AMOTL1: variants seen among roughly 807,000 people sequenced by gnomAD.
The protein encoded by AMOTL1 is angiomotin-like protein 1.
Under a neutral mutation model 102.9 loss-of-function variants are expected in AMOTL1, and 45 were observed. That is an observed-to-expected ratio of 0.44 (90% CI 0.34 to 0.56). The LOEUF (loss-of-function observed/expected upper bound fraction) is 0.56. AMOTL1 is among the 20% of genes least tolerant of loss of function. AMOTL1 has a pLI of 0.01. For missense variants in AMOTL1, 1,114 were observed against 1,225.6 expected (o/e 0.91, Z 1.36); for synonymous variants, 481 against 484.7 (o/e 0.99, Z 0.10).
intron 3 of AMOTL1, among the ~76,000 whole-genome samples, chr11:94,741,764 C>T (rs1274645625): frequency 1.3e-5 from 2 of 151,830 alleles, no homozygotes; most frequent in African/African-American, 2.4e-5. Flanking sequence ...TGCTACTGGT[C>T]TGGGCTATCA....
In AMOTL1 at chr11:94,733,071, A is replaced by T. The variant is rs186862516; in HGVS notation, c.85+4016A>T. On this transcript the variant is annotated intron_variant, in intron 2 of 4. Transcript: ENST00000299004. ...GAAATCTTGTGAAGTAGTTAGTCTT[A>T]TCTCCATTTTGCAGATGAGAAAACT... is the stretch of plus-strand genomic sequence containing the variant. Among the ~76,000 whole-genome samples, 15 of 152,374 alleles carry T rather than the reference A, an allele frequency of 9.8e-5. No individual in the cohort carries two copies. In the East Asian group the frequency reaches 2.7e-3, roughly 27 times the overall value.
chr11:94,724,732 G>A (rs904766011), intron 1 of AMOTL1, among the ~76,000 whole-genome samples: 13 of 152,124 alleles, frequency 8.5e-5, no homozygotes, highest in South Asian at 4.1e-4. Flanking sequence ...GTACCTAGGA[G>A]ACACCAAGTT....
chr11:94,706,752 G>A (rs374361778), intron 1 of AMOTL1, among the ~76,000 whole-genome samples: 1 of 152,204 alleles, frequency 6.6e-6, no homozygotes, highest in African/African-American at 2.4e-5. Context: ...GTCCCCACCT[G>A]GTGGGGTGGC....
intron 1 of AMOTL1, among the ~76,000 whole-genome samples, chr11:94,708,367 T>C (rs958637260): frequency 2.0e-5 from 3 of 152,158 alleles, no homozygotes; most frequent in Admixed American, 2.0e-4. Flanking sequence ...TAGAAAGCAG[T>C]GGGAAGGCAG....
chr11:94,768,350 G>A, upstream of AMOTL1: 2 of 1,368,934 alleles, frequency 1.5e-6, no homozygotes, highest in South Asian at 3.4e-5. Flanking sequence ...CGCGGACGGC[G>A]GCGGGAGCGC....
At chr11:94,769,209 A>G (rs1950906735) in intron 1 of AMOTL1, among the ~76,000 whole-genome samples, 1 of 152,176 alleles carries the variant, frequency 6.6e-6, no homozygotes, top group African/African-American at 2.4e-5. Flanking sequence ...CTGCCTTTAC[A>G]ATAATCTGCT....
chr11:94,873,381 A>G lies in AMOTL1; in HGVS notation c.*2586A>G, dbSNP rs1953038755. The stretch of plus-strand genomic sequence containing the variant: ...CCAAGCCAGGGCACTAAATTCTTTC[A>G]TCATTAGAGCTTTCCTGAAGTCCGG... On this transcript the variant is annotated 3_prime_UTR_variant, in exon 13 of 13. Transcript: ENST00000433060. 1 of 152,178 alleles carries G rather than the reference A, an allele frequency of 6.6e-6. No homozygotes were observed. Among genetic ancestry groups the G allele is most frequent in the Admixed American group, 6.5e-5 (1 of 15,276 alleles). The allele number at this position is 152,178 out of a possible 1,614,324, so 9.4% of individuals were successfully genotyped here. A position where few individuals can be genotyped will look rare whatever the true frequency, so the allele number is the denominator to read the frequency against.
At chr11:94,823,128 A>G (rs1951898824) in intron 4 of AMOTL1, among the ~76,000 whole-genome samples, 2 of 152,196 alleles carry the variant, frequency 1.3e-5, no homozygotes, top group Admixed American at 1.3e-4. Context: ...TTGCTGGCCA[A>G]GGGTTTTAGA....
chr11:94,744,786 A>G (rs1950570832), intron 3 of AMOTL1, among the ~76,000 whole-genome samples: 1 of 152,186 alleles, frequency 6.6e-6, no homozygotes, highest in South Asian at 2.1e-4. Context: ...GAAATTTTTC[A>G]CTCCATGAAA....
intron 4 of AMOTL1, among the ~76,000 whole-genome samples, chr11:94,824,771 G>C (rs745407459): frequency 6.6e-6 from 1 of 152,194 alleles, no homozygotes; most frequent in Non-Finnish European, 1.5e-5. Context: ...AATCTTGTAG[G>C]ATATGACCCC....
chr11:94,801,350 A>G (rs1007014898), intron 3 of AMOTL1, among the ~76,000 whole-genome samples: 11 of 152,000 alleles, frequency 7.2e-5, no homozygotes, highest in African/African-American at 2.4e-4. Flanking sequence ...GTGACAGGAG[A>G]TATGTTTGGA....
intron 1 of AMOTL1, among the ~76,000 whole-genome samples, chr11:94,708,914 C>A (rs1949975569): frequency 6.6e-6 from 1 of 152,098 alleles, no homozygotes; most frequent in African/African-American, 2.4e-5. Context: ...TCTGCAAATA[C>A]CTGCGGACAG....
intron 3 of AMOTL1, among the ~76,000 whole-genome samples, chr11:94,813,601 T>A (rs1565363731): frequency 1.3e-5 from 2 of 152,192 alleles, no homozygotes. Flanking sequence ...TAACCTGCCA[T>A]CTCTTTAGAC....
chr11:94,807,582 G>C (rs1951587369), intron 3 of AMOTL1, among the ~76,000 whole-genome samples: 1 of 152,154 alleles, frequency 6.6e-6, no homozygotes, highest in Non-Finnish European at 1.5e-5. Context: ...ATCACTTGCA[G>C]TAATAGCTCC....
rs941501543 is a variant in AMOTL1, at chr11:94,769,883, C to T, written c.49+1323C>T. Reference sequence around the variant, plus strand: ...TTGGTGGTGGTGGGGTACGTGGTCTCGAGAGCCAGTTGTGATACCTCGAAG... The same window carrying T: ...TTGGTGGTGGTGGGGTACGTGGTCTTGAGAGCCAGTTGTGATACCTCGAAG... On this transcript the variant is annotated intron_variant, in intron 1 of 12. Coordinates refer to ENST00000433060, the MANE Select transcript of AMOTL1 (RefSeq NM_130847.3). 3.3e-5 allele frequency among the ~76,000 whole-genome samples: 5 copies of T among 152,030 alleles called. No individual in the cohort carries two copies. In the East Asian group the frequency reaches 5.8e-4, roughly 18 times the overall value.
In AMOTL1 at chr11:94,768,461, C is replaced by T. The variant is rs1334204340; in HGVS notation, c.-51C>T. The T allele has an allele frequency of 1.3e-6, 2 of 1,559,268 alleles. No homozygotes were observed. The highest frequency in any genetic ancestry group is 1.4e-5 in the African/African-American group (1 of 73,518). On this transcript the variant is annotated 5_prime_UTR_variant, in exon 1 of 13. Transcript: ENST00000433060. ...TGTCCGGCGCCACTTCCCCGCGCTGCCCGGCAGCCGTCTTCCCCAGCCGAG... is the reference window on the plus strand; with the variant it reads ...TGTCCGGCGCCACTTCCCCGCGCTGTCCGGCAGCCGTCTTCCCCAGCCGAG...
chr11:94,821,464 T>C (rs971566766), intron 3 of AMOTL1, 66 bp from the exon 4 acceptor site: 57 of 1,514,104 alleles, frequency 3.8e-5, no homozygotes, highest in Non-Finnish European at 5.0e-5. Flanking sequence ...GCCAGTATTG[T>C]TGGGGCTTCC....
intron 1 of AMOTL1, among the ~76,000 whole-genome samples, chr11:94,788,611 C>T (rs1951232592): frequency 6.6e-6 from 1 of 152,174 alleles, no homozygotes; most frequent in Non-Finnish European, 1.5e-5. Context: ...CAGTATGTTC[C>T]TTTAACATAC....
chr11:94,808,789 G>T (rs1015965915), intron 3 of AMOTL1, among the ~76,000 whole-genome samples: 1 of 152,092 alleles, frequency 6.6e-6, no homozygotes, highest in Non-Finnish European at 1.5e-5. Flanking sequence ...AAGTTTGAAA[G>T]AGACAAATGA....
Sources: allele counts gnomAD v4.1 joint callset (sites outside exome capture counted in the v4.1 genomes callset), GRCh38; gene constraint gnomAD v4.1.1; transcripts MANE v1.5; gene names NCBI Gene and HGNC (gene_info 2026-07-23, HGNC 2026-07-21).